CXADR: variants seen among roughly 807,000 people sequenced by gnomAD.
CXADR encodes coxsackievirus and adenovirus receptor.
Under a neutral mutation model 40.3 loss-of-function variants are expected in CXADR, and 20 were observed. That is an observed-to-expected ratio of 0.50 (90% CI 0.35 to 0.72). The LOEUF is 0.72. Among genes scored for constraint, CXADR ranks in the 30% least tolerant of loss-of-function variants. The pLI, the probability that CXADR is intolerant of heterozygous loss-of-function variation, is 0.01. For missense variants in CXADR, 332 were observed against 449.1 expected (o/e 0.74, Z 2.36); for synonymous variants, 150 against 161.3 (o/e 0.93, Z 0.53).
chr21:17,593,897 T>G, downstream of CXADR: 1 of 688,768 alleles, frequency 1.5e-6, no homozygotes, highest in Non-Finnish European at 2.2e-6. Context: ...TTTAATAAAA[T>G]TTCTCAAACT....
chr21:17,626,109 C>T, the CXADR span, among the ~76,000 whole-genome samples: 6 of 152,124 alleles, frequency 3.9e-5, no homozygotes, highest in African/African-American at 9.7e-5. Context: ...GCAGTCTTTT[C>T]GGTTTCCTAT....
chr21:17,549,858 G>A (rs2060943301), intron 2 of CXADR, among the ~76,000 whole-genome samples: 1 of 152,168 alleles, frequency 6.6e-6, no homozygotes. Context: ...TTAATCAAAG[G>A]AAATTAATCA....
At position 17,567,626 on chromosome 21, in the gene CXADR, C is replaced by T. The variant is rs2061227639; in HGVS notation, c.*1934C>T. The stretch of plus-strand genomic sequence containing the variant: ...ATAAAGGTTTAGAAATTTCAATATT[C>T]CCAACACTCTATGTTTCTGATTTTA... On this transcript the variant is annotated 3_prime_UTR_variant, in exon 7 of 7. Coordinates refer to ENST00000284878, the MANE Select transcript of CXADR (RefSeq NM_001338.5). 2.0e-6 allele frequency: 2 copies of T among 983,342 alleles called. No homozygotes were observed. The highest frequency in any genetic ancestry group is 1.2e-4 in the Admixed American group (2 of 16,254). 60.9% of individuals were successfully genotyped at this position (983,342 alleles called of 1,614,324 possible). A position where few individuals can be genotyped will look rare whatever the true frequency, so the allele number is the denominator to read the frequency against.
rs777604400 is a variant in CXADR, at chr21:17,560,832, A to T, written c.694+8A>T. 1.2e-6 allele frequency: 2 copies of T among 1,612,116 alleles called. No homozygotes were observed. The highest frequency in any genetic ancestry group is 2.7e-5 in the African/African-American group (2 of 74,796). ...GTCTAAACGTTGTCCCTCGTAAGTT[A>T]TCTTCTTTCTGTTGGTGGTTTTGTT... On this transcript the variant is annotated splice_region_variant and intron_variant, in intron 5 of 6. Coordinates refer to ENST00000284878, the MANE Select transcript of CXADR (RefSeq NM_001338.5).
At position 17,520,392 on chromosome 21, in the gene CXADR, A is replaced by C. The variant is rs150006737; in HGVS notation, c.43+7220A>C. Among the ~76,000 whole-genome samples, 130 of 152,268 alleles carry C rather than the reference A, an allele frequency of 8.5e-4. 3 individuals carry two copies. Among genetic ancestry groups the C allele is most frequent in the Middle Eastern group, 3.4e-3 (1 of 294 alleles). On this transcript the variant is annotated intron_variant, in intron 1 of 6. Transcript: ENST00000284878. ...AACTTTGTGCATCTGAATGATTCTT[A>C]CAAGGAAGTCTAGGTGGGGCTTGTG...
At chr21:17,547,315 A>C in intron 2 of CXADR, 122 bp downstream of exon 2, 11 of 1,391,608 alleles carry the variant, frequency 7.9e-6, no homozygotes, top group South Asian at 1.4e-5. Context: ...CCAACTTCTC[A>C]GGCTTTATGG....
chr21:17,562,188 A>G (rs957829012), intron 6 of CXADR, among the ~76,000 whole-genome samples: 1 of 146,412 alleles, frequency 6.8e-6, no homozygotes, highest in Non-Finnish European at 1.5e-5. Flanking sequence ...TGATTATCTG[A>G]GCCCTCAGTG....
downstream of CXADR, among the ~76,000 whole-genome samples, chr21:17,596,875 C>A (rs896827938): frequency 2.0e-5 from 3 of 152,006 alleles, no homozygotes; most frequent in South Asian, 2.1e-4. Flanking sequence ...ATGAATAATT[C>A]TTTATCCCCT....
At chr21:17,519,956 C>T (rs1164065977) in intron 1 of CXADR, among the ~76,000 whole-genome samples, 2 of 151,806 alleles carry the variant, frequency 1.3e-5, no homozygotes, top group East Asian at 3.9e-4. Context: ...GAGACTCCAT[C>T]TCAAAATAAA....
the CXADR span, among the ~76,000 whole-genome samples, chr21:17,630,392 C>A: frequency 6.6e-6 from 1 of 152,104 alleles, no homozygotes; most frequent in African/African-American, 2.4e-5. Context: ...TCATTTCACT[C>A]CTACATACTT....
At chr21:17,634,294 A>T in the CXADR span, among the ~76,000 whole-genome samples, 1 of 152,176 alleles carries the variant, frequency 6.6e-6, no homozygotes, top group South Asian at 2.1e-4. Context: ...AGAATAATGT[A>T]GTTGTACCTC....
intron 1 of CXADR, among the ~76,000 whole-genome samples, chr21:17,539,326 C>G (rs2060798412): frequency 6.6e-6 from 1 of 151,112 alleles, no homozygotes; most frequent in South Asian, 2.1e-4. Context: ...TCTTCCAGCC[C>G]AGCTTTAAAA....
At chr21:17,589,651 G>T (rs771224303) in intron 7 of CXADR, among the ~76,000 whole-genome samples, 1 of 151,576 alleles carries the variant, frequency 6.6e-6, no homozygotes, top group Non-Finnish European at 1.5e-5. Flanking sequence ...TTGAACAGAT[G>T]TTCAAATTTT....
At chr21:17,584,410 G>A (rs2123388674) in intron 7 of CXADR, among the ~76,000 whole-genome samples, 1 of 152,290 alleles carries the variant, frequency 6.6e-6, no homozygotes, top group African/African-American at 2.4e-5. Context: ...GGTGGTTCAC[G>A]TACACATCAT....
intron 1 of CXADR, among the ~76,000 whole-genome samples, chr21:17,533,612 G>C (rs1569090736): frequency 1.3e-5 from 2 of 152,098 alleles, no homozygotes; most frequent in African/African-American, 4.8e-5. Context: ...TTTTCTTGGA[G>C]TTGTTATGAG....
chr21:17,575,221 A>C (rs545230811), intron 7 of CXADR, among the ~76,000 whole-genome samples: 3 of 151,860 alleles, frequency 2.0e-5, no homozygotes, highest in Non-Finnish European at 4.4e-5. Context: ...GTCTTGCTCT[A>C]TTGCCCAGGT....
At chr21:17,599,085 A>C in the CXADR span, 1 of 343,300 alleles carries the variant, frequency 2.9e-6, no homozygotes, top group South Asian at 9.5e-5. Context: ...AATTCCTAAA[A>C]AAAAAATTGT....
chr21:17,540,801 CT>C (rs1242505715), intron 1 of CXADR, among the ~76,000 whole-genome samples: 2 of 152,228 alleles, frequency 1.3e-5, no homozygotes, highest in Non-Finnish European at 2.9e-5. Context: ...TGCTGATTTA[CT>C]TTCTGTGTTG....
chr21:17,628,506 C>CT, the CXADR span, among the ~76,000 whole-genome samples: 6,357 of 146,290 alleles, frequency 0.043, 165 homozygotes, highest in African/African-American at 0.079. Flanking sequence ...TGTCCCAGTT[C>CT]TTTTTTTTTT....
Sources: allele counts gnomAD v4.1 joint callset (sites outside exome capture counted in the v4.1 genomes callset), GRCh38; gene constraint gnomAD v4.1.1; transcripts MANE v1.5; gene names NCBI Gene and HGNC (gene_info 2026-07-23, HGNC 2026-07-21).